Variants in ARHGEF5 observed in about 807,000 individuals in gnomAD.
ARHGEF5 encodes the protein Rho guanine nucleotide exchange factor (GEF) 5.
In ARHGEF5, 11 loss-of-function variants were observed where a neutral mutation model predicts 104.0. The observed-to-expected ratio is 0.11, with a 90% CI of 0.07 to 0.18. The LOEUF (loss-of-function observed/expected upper bound fraction) is 0.18, where lower values mean the gene tolerates loss of function less well. Ranked by LOEUF, ARHGEF5 falls within the 10% of genes least tolerant of loss-of-function variation. The pLI, the probability that ARHGEF5 is intolerant of heterozygous loss-of-function variation, is 1.00. For synonymous variants in ARHGEF5, 60 were observed against 512.2 expected (o/e 0.12, Z 11.92); for missense variants, 165 against 1,335.4 (o/e 0.12, Z 13.66).
In ARHGEF5 at chr7:144,377,272, G is replaced by C; in HGVS notation, c.4531+82G>C. 3 of 1,547,298 alleles carry C rather than the reference G, an allele frequency of 1.9e-6. No individual in the cohort carries two copies. In the South Asian group the frequency reaches 3.6e-5, roughly 19 times the overall value. On this transcript the variant is annotated intron_variant, in intron 13 of 14. Coordinates refer to ENST00000056217, the MANE Select transcript of ARHGEF5 (RefSeq NM_005435.4). ...ATACAGGAGTTTAAAGGGCTGGGTG[G>C]GAACTCTAGGCTTTCATTTATTGAT...
At chr7:144,377,639 GGC>G (rs2053770691) in intron 13 of ARHGEF5, among the ~76,000 whole-genome samples, 2 of 152,070 alleles carry the variant, frequency 1.3e-5, no homozygotes, top group Admixed American at 1.3e-4. Context: ...GGGAGCCACA[GGC>G]ACACACACAT....
chr7:144,359,991 C>T (rs2053626181), intron 1 of ARHGEF5, among the ~76,000 whole-genome samples: 2 of 135,218 alleles, frequency 1.5e-5, no homozygotes, highest in African/African-American at 5.4e-5. Flanking sequence ...TAGAAGTGGA[C>T]AGTCTTAAGG....
intron 1 of ARHGEF5, among the ~76,000 whole-genome samples, chr7:144,358,758 A>AGTGTGTGTGTGTGTGTGT (rs71222348): frequency 1.1e-5 from 1 of 90,824 alleles, no homozygotes; most frequent in African/African-American, 4.0e-5. Flanking sequence ...AGGATGGCTC[A>AGTGTGTGTGTGTGTGTGT]GTGTGTGTGT....
intron 10 of ARHGEF5, among the ~76,000 whole-genome samples, chr7:144,373,761 C>T (rs1422269009): frequency 7.5e-6 from 1 of 132,824 alleles, no homozygotes; most frequent in African/African-American, 2.8e-5. Flanking sequence ...AGATTGGATC[C>T]AAATTTAGAG....
chr7:144,359,420 T>C (rs1473473706), intron 1 of ARHGEF5, among the ~76,000 whole-genome samples: 2 of 144,918 alleles, frequency 1.4e-5, no homozygotes, highest in African/African-American at 5.0e-5. Context: ...CGTCATTCAT[T>C]CATACGATAC....
intron 13 of ARHGEF5, among the ~76,000 whole-genome samples, chr7:144,377,594 T>C (rs1184114270): frequency 6.6e-6 from 1 of 152,106 alleles, no homozygotes; most frequent in Non-Finnish European, 1.5e-5. Context: ...GAGGATGACC[T>C]GAGGTCACCT....
Position 144,360,178 on chromosome 7 carries a change from C to T in ARHGEF5, c.-12-2480C>T, listed in dbSNP as rs1308657266. Among the ~76,000 whole-genome samples, 5 of 119,422 alleles carry T rather than the reference C, an allele frequency of 4.2e-5. 2 individuals carry two copies. In the South Asian group the frequency reaches 1.2e-3, roughly 28 times the overall value. 78.3% of individuals were successfully genotyped at this position (119,422 alleles called of 152,430 possible). ...GTGATGTGATCTTGGCTCACTGCAG[C>T]CTCTGCCTCCTGGGCTCAAGGGATC... On this transcript the variant is annotated intron_variant, in intron 1 of 14. Coordinates refer to ENST00000056217, the MANE Select transcript of ARHGEF5 (RefSeq NM_005435.4).
At position 144,380,482 on chromosome 7, in the gene ARHGEF5, G is replaced by T; in HGVS notation, c.*426G>T. On this transcript the variant is annotated 3_prime_UTR_variant, in exon 15 of 15. Transcript: ENST00000056217. Reference sequence around the variant, plus strand: ...GAGGGGTTAACACATCAGATGGGAGGGTCAGCCCGGTGACCTCTAAGGTAT... The same window carrying T: ...GAGGGGTTAACACATCAGATGGGAGTGTCAGCCCGGTGACCTCTAAGGTAT... The T allele has an allele frequency of 6.1e-6, 1 of 162,884 alleles. No homozygotes were observed. The highest frequency in any genetic ancestry group is 1.4e-5 in the Non-Finnish European group (1 of 73,532). The allele number at this position is 162,884 out of a possible 1,614,324, so 10.1% of individuals were successfully genotyped here.
intron 5 of ARHGEF5, among the ~76,000 whole-genome samples, chr7:144,370,355 A>G (rs1261251074): frequency 6.6e-6 from 1 of 152,278 alleles, no homozygotes; most frequent in Admixed American, 6.5e-5. Context: ...AAGTCCAAAC[A>G]ATTTTACATT....
rs554814755 is a variant in ARHGEF5, at chr7:144,363,306, G to A, written c.637G>A (p.Glu213Lys). ...TIRQGEELPP[E>K]ELQESQGLLH... is the part of the protein sequence containing the mutation. ...CAGGCAGGGGGAAGAGCTGCCACCT[G>A]AGGAGCTGCAGGAAAGTCAAGGGCT... Residue 213 changes from glutamate to lysine, a missense_variant, in exon 2 of 15, where the codon GAG becomes AAG. Transcript: ENST00000056217. 1 of 1,592,644 alleles carries A rather than the reference G, an allele frequency of 6.3e-7. No individual in the cohort carries two copies. The highest frequency in any genetic ancestry group is 8.6e-7 in the Non-Finnish European group (1 of 1,164,492).
chr7:144,361,189 G>A lies in ARHGEF5; in HGVS notation c.-12-1469G>A, dbSNP rs1171853930. 3.0e-5 allele frequency among the ~76,000 whole-genome samples: 4 copies of A among 133,414 alleles called. 1 individual carries two copies. The highest frequency in any genetic ancestry group is 2.5e-4 in the South Asian group (1 of 4,066). The allele number at this position is 133,414 out of a possible 152,430, so 87.5% of individuals were successfully genotyped here. ...TTGCAATGACCCAAGATTGCACCACGGCACTCCAGCCTGGGTGACAGAGCA... is the reference window on the plus strand; with the variant it reads ...TTGCAATGACCCAAGATTGCACCACAGCACTCCAGCCTGGGTGACAGAGCA... On this transcript the variant is annotated intron_variant, in intron 1 of 14. Transcript: ENST00000056217.
Position 144,372,443 on chromosome 7 carries a change from A to ACCT in ARHGEF5, c.3975+16_3975+18dup, listed in dbSNP as rs2053729191. On this transcript the variant is annotated intron_variant, in intron 8 of 14. Coordinates refer to ENST00000056217, the MANE Select transcript of ARHGEF5 (RefSeq NM_005435.4). ...TGCTGCTCCAGGTAGGGCAGATGCT[A>ACCT]CCTTGATCCTCTCCCCTTAACTCAA... The ACCT allele has an allele frequency of 7.1e-6, 5 of 705,892 alleles. No homozygotes were observed. The highest frequency in any genetic ancestry group is 1.2e-5 in the Non-Finnish European group (5 of 432,478). The allele number at this position is 705,892 out of a possible 1,614,324, so 43.7% of individuals were successfully genotyped here. A position where few individuals can be genotyped will look rare whatever the true frequency, so the allele number is the denominator to read the frequency against.
chr7:144,378,466 A>C (rs1276466335), intron 13 of ARHGEF5, among the ~76,000 whole-genome samples: 1 of 152,220 alleles, frequency 6.6e-6, no homozygotes, highest in East Asian at 1.9e-4. Context: ...TGAAGACTAG[A>C]GTCAGGGACG....
intron 13 of ARHGEF5, among the ~76,000 whole-genome samples, chr7:144,377,450 T>C (rs577411469): frequency 1.3e-5 from 2 of 152,322 alleles, no homozygotes; most frequent in East Asian, 3.9e-4. Context: ...ATTTGTCCCC[T>C]TAAGTCTAAG....
In ARHGEF5 at chr7:144,365,483, CA is replaced by C. The variant is rs757678780; in HGVS notation, c.2815del (p.Thr939LeufsTer30). 1 of 1,351,228 alleles carries C rather than the reference CA, an allele frequency of 7.4e-7. No individual in the cohort carries two copies. Among genetic ancestry groups the C allele is most frequent in the Non-Finnish European group, 1.0e-6 (1 of 970,424 alleles). 83.7% of individuals were successfully genotyped at this position (1,351,228 alleles called of 1,614,324 possible). On this transcript the variant is annotated frameshift_variant, in exon 2 of 15. Transcript: ENST00000056217. LOFTEE classifies it high-confidence loss of function. ...TNFLCPSSPT[T>X]PWTPELQGPT... The stretch of plus-strand genomic sequence containing the variant: ...ACTTCCTATGCCCCTCTTCCCCTAC[CA>C]CTCCCTGGACTCCGGAGCTCCAGGG...
chr7:144,357,157 A>G (rs944922064), intron 1 of ARHGEF5, among the ~76,000 whole-genome samples: 3 of 136,180 alleles, frequency 2.2e-5, no homozygotes, highest in Non-Finnish European at 4.6e-5. Context: ...GTAGACTGGA[A>G]CAAAGTCACC....
At chr7:144,377,598 G>A (rs950908027) in intron 13 of ARHGEF5, among the ~76,000 whole-genome samples, 1 of 152,030 alleles carries the variant, frequency 6.6e-6, no homozygotes, top group Admixed American at 6.6e-5. Context: ...ATGACCTGAG[G>A]TCACCTACCC....
At chr7:144,379,652 G>A (rs539938455) in intron 14 of ARHGEF5, among the ~76,000 whole-genome samples, 17 of 152,282 alleles carry the variant, frequency 1.1e-4, no homozygotes, top group Admixed American at 7.2e-4. Flanking sequence ...TAGAGGATTA[G>A]AACATCAACA....
intron 12 of ARHGEF5, 147 bp from the exon 13 acceptor site, chr7:144,376,973 T>C: frequency 6.8e-6 from 3 of 442,392 alleles, no homozygotes; most frequent in Non-Finnish European, 1.2e-5. Flanking sequence ...GATTGTGTCA[T>C]GTTTCCAACC....
Sources: gnomAD v4.1 joint callset for allele counts (sites outside exome capture counted in the v4.1 genomes callset) on GRCh38, gnomAD v4.1.1 for gene constraint, MANE v1.5 for transcripts, NCBI Gene and HGNC (gene_info 2026-07-23, HGNC 2026-07-21) for gene names.